The following TEKTIP1 variants were observed in gnomAD, a reference collection of about 807,000 sequenced individuals.
TEKTIP1 encodes tektin bundle-interacting protein 1.
the TEKTIP1 span, chr19:3,542,671 T>C: frequency 1.5e-5 from 17 of 1,167,684 alleles, no homozygotes; most frequent in Non-Finnish European, 1.8e-5. Flanking sequence ...TTAGTAGAGA[T>C]GGGGTTTTAC....
chr19:3,541,251 G>T, the TEKTIP1 span, among the ~76,000 whole-genome samples: 1 of 151,492 alleles, frequency 6.6e-6, no homozygotes, highest in South Asian at 2.1e-4. Flanking sequence ...TAGGAGGATC[G>T]CTTGAGCCTA....
the TEKTIP1 span, chr19:3,543,584 T>A: frequency 1.3e-6 from 2 of 1,526,466 alleles, no homozygotes; most frequent in Non-Finnish European, 1.8e-6. Flanking sequence ...GGAGACCGCC[T>A]GGCATGACCC....
the TEKTIP1 span, chr19:3,541,901 C>A: frequency 1.5e-6 from 1 of 679,584 alleles, no homozygotes; most frequent in East Asian, 1.3e-4. Context: ...CTCCGCCTCC[C>A]GGGTTCAAGC....
At chr19:3,542,319 G>A in the TEKTIP1 span, 59 of 985,264 alleles carry the variant, frequency 6.0e-5, no homozygotes, top group Non-Finnish European at 7.0e-5. Flanking sequence ...CAGAGTTCCT[G>A]CCATGAGAGC....
the TEKTIP1 span, chr19:3,543,030 G>A: frequency 1.2e-6 from 2 of 1,606,124 alleles, no homozygotes; most frequent in Non-Finnish European, 1.7e-6. Flanking sequence ...GCGATGTGTG[G>A]GGAGAGGGGG....
chr19:3,543,054 C>T, the TEKTIP1 span: 1 of 1,601,492 alleles, frequency 6.2e-7, no homozygotes, highest in Non-Finnish European at 8.5e-7. Context: ...CAGCCTCTCT[C>T]CTCAAGCACC....
At chr19:3,543,886 C>G in the TEKTIP1 span, 5 of 1,550,658 alleles carry the variant, frequency 3.2e-6, no homozygotes, top group African/African-American at 2.7e-5. Flanking sequence ...GACTACGTGC[C>G]CTCCCTGTCG....
the TEKTIP1 span, chr19:3,539,604 C>T: frequency 7.2e-6 from 2 of 276,522 alleles, no homozygotes; most frequent in East Asian, 6.4e-5. Context: ...TGTCCCACAC[C>T]TCTTGCAGCC....
the TEKTIP1 span, among the ~76,000 whole-genome samples, chr19:3,540,257 T>A: frequency 6.7e-6 from 1 of 148,194 alleles, no homozygotes; most frequent in African/African-American, 2.6e-5. Context: ...CATGCCCAGC[T>A]AATTTTTGTT....
the TEKTIP1 span, chr19:3,543,175 A>C: frequency 6.6e-7 from 1 of 1,523,306 alleles, no homozygotes. Flanking sequence ...AGACATCGCA[A>C]AGGGGTCAAA....
the TEKTIP1 span, chr19:3,541,771 A>C: frequency 5.1e-6 from 5 of 985,244 alleles, no homozygotes; most frequent in Non-Finnish European, 4.8e-6. Flanking sequence ...GGCCGACAGC[A>C]GGGGTGAGGG....
chr19:3,540,747 C>T, the TEKTIP1 span, among the ~76,000 whole-genome samples: 9 of 151,634 alleles, frequency 5.9e-5, no homozygotes, highest in East Asian at 2.0e-4. Context: ...GGAATGGTGG[C>T]TCATGCCTGT....
chr19:3,543,048 C>G, the TEKTIP1 span: 1 of 1,604,368 alleles, frequency 6.2e-7, no homozygotes, highest in Non-Finnish European at 8.5e-7. Flanking sequence ...GGGAGTCAGC[C>G]TCTCTCCTCA....
the TEKTIP1 span, chr19:3,539,313 C>CCCCCGG: frequency 8.7e-7 from 1 of 1,148,036 alleles, no homozygotes; most frequent in Non-Finnish European, 1.3e-6. Context: ...CCCTCCCTCC[C>CCCCCGG]TGGGTGTCAG....
the TEKTIP1 span, chr19:3,543,852 G>C: frequency 6.5e-7 from 1 of 1,546,058 alleles, no homozygotes; most frequent in Non-Finnish European, 8.7e-7. Context: ...CCGGTACGGG[G>C]TGGAGCCACT....
chr19:3,539,289 C>T, the TEKTIP1 span: 4 of 1,369,902 alleles, frequency 2.9e-6, no homozygotes, highest in East Asian at 5.0e-5. Flanking sequence ...GTGAGCCCCT[C>T]CCAGCCCCTC....
At chr19:3,543,480 G>GCCCCCCCCCCC in the TEKTIP1 span, 3 of 1,338,742 alleles carry the variant, frequency 2.2e-6, no homozygotes, top group African/African-American at 5.2e-5. Flanking sequence ...TCGGGTGAGT[G>GCCCCCCCCCCC]CCCCCCCCCC....
the TEKTIP1 span, among the ~76,000 whole-genome samples, chr19:3,540,448 G>A: frequency 6.6e-6 from 1 of 151,422 alleles, no homozygotes; most frequent in African/African-American, 2.4e-5. Context: ...AGTAGAGACG[G>A]GGTTTCACCA....
the TEKTIP1 span, among the ~76,000 whole-genome samples, chr19:3,540,377 C>T: frequency 1.3e-5 from 2 of 151,794 alleles, no homozygotes; most frequent in African/African-American, 2.4e-5. Flanking sequence ...CCTGCCTCAG[C>T]CTCCCAAGTA....
Sources: gnomAD v4.1 joint callset for allele counts (sites outside exome capture counted in the v4.1 genomes callset) on GRCh38, gnomAD v4.1.1 for gene constraint, MANE v1.5 for transcripts, NCBI Gene and HGNC (gene_info 2026-07-23, HGNC 2026-07-21) for gene names.